Variants in CD5 observed in about 807,000 individuals in gnomAD.
CD5 encodes the protein T-cell surface glycoprotein CD5.
Under a neutral mutation model 60.3 loss-of-function variants are expected in CD5, and 36 were observed. The observed-to-expected ratio is 0.60, with a 90% confidence interval of 0.46 to 0.79. The LOEUF (loss-of-function observed/expected upper bound fraction) is 0.79, where lower values mean the gene tolerates loss of function less well. Among genes scored for constraint, CD5 ranks in the 30% least tolerant of loss-of-function variants. The pLI is 0.00. For synonymous variants in CD5, 230 were observed against 257.6 expected (o/e 0.89, Z 1.03); for missense variants, 540 against 630.6 (o/e 0.86, Z 1.54).
upstream of CD5, among the ~76,000 whole-genome samples, chr11:61,101,750 T>C (rs62636419): frequency 0.32 from 46,482 of 143,928 alleles, 8,755 homozygotes; most frequent in African/African-American, 0.55. Context: ...ACATGGAGAT[T>C]ACACACACAT....
At chr11:61,101,443 C>T (rs1200243611), upstream of CD5, among the ~76,000 whole-genome samples, 3 of 147,384 alleles carry the variant, frequency 2.0e-5, no homozygotes, top group African/African-American at 7.5e-5. Context: ...ATGGAGATCA[C>T]ATTCACACAC....
intron 7 of CD5, among the ~76,000 whole-genome samples, chr11:61,123,439 C>A (rs984869407): frequency 6.6e-6 from 1 of 152,096 alleles, no homozygotes; most frequent in African/African-American, 2.4e-5. Flanking sequence ...CCCTCAGTTT[C>A]TTCATCTACC....
In CD5 at chr11:61,123,903, C is replaced by T; in HGVS notation, c.1245C>T (p.Arg415=). The change falls in exon 8 of 11, where the codon CGC becomes CGT. Residue 415 remains arginine (R), a synonymous_variant. Transcript: ENST00000347785. ...GCCCAGTCCGCCAGAAGAAGCAGCG[C>T]CAGTGGATTGGCCCAACGGGAATGA... is the stretch of plus-strand genomic sequence containing the variant. ...LVKKFRQKKQ[R]QWIGPTGMNQ... The T allele has an allele frequency of 6.2e-7, 1 of 1,613,518 alleles. No individual in the cohort carries two copies. The highest frequency in any genetic ancestry group is 1.3e-5 in the African/African-American group (1 of 74,874).
intron 1 of CD5, among the ~76,000 whole-genome samples, chr11:61,106,417 G>A (rs1160579446): frequency 6.6e-6 from 1 of 152,110 alleles, no homozygotes; most frequent in Admixed American, 6.5e-5. Context: ...GAGAGGGTGG[G>A]GCTCCTACTG....
At chr11:61,106,380 G>T (rs1860779654) in intron 1 of CD5, among the ~76,000 whole-genome samples, 1 of 152,130 alleles carries the variant, frequency 6.6e-6, no homozygotes, top group African/African-American at 2.4e-5. Flanking sequence ...GGATGGCAGG[G>T]CAAAGGCAAG....
At chr11:61,094,300 C>T in the CD5 span, among the ~76,000 whole-genome samples, 54 of 152,188 alleles carry the variant, frequency 3.5e-4, no homozygotes, top group Middle Eastern at 3.4e-3. Context: ...ACTTGGAGTC[C>T]GGACAACTGA....
upstream of CD5, among the ~76,000 whole-genome samples, chr11:61,099,934 ATCAACATGGAGATCACACACACTCG>A (rs1860637924): frequency 1.3e-5 from 2 of 150,640 alleles, no homozygotes; most frequent in African/African-American, 4.9e-5. Flanking sequence ...TCACACACAC[ATCAACATGGAGATCACACACACTCG>A]TCAACATGGA....
At chr11:61,097,070 T>C in the CD5 span, among the ~76,000 whole-genome samples, 1 of 152,234 alleles carries the variant, frequency 6.6e-6, no homozygotes, top group Admixed American at 6.5e-5. Context: ...AACCCTCTCC[T>C]GAGCCAGTGT....
rs934179653 is a variant in CD5, at chr11:61,126,380, C to T, written c.*95C>T. 1 of 152,358 alleles carries T rather than the reference C, an allele frequency of 6.6e-6. No homozygotes were observed. The highest frequency in any genetic ancestry group is 1.5e-5 in the Non-Finnish European group (1 of 68,106). The allele number at this position is 152,358 out of a possible 1,614,324, so 9.4% of individuals were successfully genotyped here. ...ACTTGAAATCATGTCCCTATTTCTACCCCGGCCAGAACATGGACAGAGGCC... is the reference window on the plus strand; with the variant it reads ...ACTTGAAATCATGTCCCTATTTCTATCCCGGCCAGAACATGGACAGAGGCC... On this transcript the variant is annotated 3_prime_UTR_variant, in exon 11 of 11. Coordinates refer to ENST00000347785, the MANE Select transcript of CD5 (RefSeq NM_014207.4).
chr11:61,105,252 G>A (rs1424338206), intron 1 of CD5, among the ~76,000 whole-genome samples: 2 of 152,228 alleles, frequency 1.3e-5, no homozygotes, highest in Non-Finnish European at 2.9e-5. Context: ...CGGGGAAGCG[G>A]CTCTAACACA....
chr11:61,101,069 C>T (rs1206562480), upstream of CD5, among the ~76,000 whole-genome samples: 10 of 95,194 alleles, frequency 1.1e-4, 1 homozygote, highest in Admixed American at 6.5e-4. Context: ...ACATGGAGAT[C>T]ACATTCGCAC....
In CD5 at chr11:61,126,474, C is replaced by T. The variant is rs1029608262; in HGVS notation, c.*189C>T. ...GCTCACACTCTGCTGCACAACAGCT[C>T]GGCCGCCCCTCCACTTGTGGAAGCT... is the stretch of plus-strand genomic sequence containing the variant. On this transcript the variant is annotated 3_prime_UTR_variant, in exon 11 of 11. Coordinates refer to ENST00000347785, the MANE Select transcript of CD5 (RefSeq NM_014207.4). 6.6e-6 allele frequency: 1 copy of T among 152,248 alleles called. No individual in the cohort carries two copies. Among genetic ancestry groups the T allele is most frequent in the Non-Finnish European group, 1.5e-5 (1 of 68,054 alleles). 9.4% of individuals were successfully genotyped at this position (152,248 alleles called of 1,614,324 possible).
At chr11:61,112,469 C>T (rs1860870507) in intron 1 of CD5, among the ~76,000 whole-genome samples, 1 of 152,050 alleles carries the variant, frequency 6.6e-6, no homozygotes, top group African/African-American at 2.4e-5. Flanking sequence ...CATGGTGAAA[C>T]CTCATCTCTA....
chr11:61,105,391 C>G (rs1565182467), intron 1 of CD5, among the ~76,000 whole-genome samples: 1 of 152,232 alleles, frequency 6.6e-6, no homozygotes, highest in Non-Finnish European at 1.5e-5. Context: ...TGGACTAGTT[C>G]TGTAAGCCTC....
intron 8 of CD5, 63 bp downstream of exon 8, chr11:61,124,000 C>G: frequency 7.6e-7 from 1 of 1,312,390 alleles, no homozygotes; most frequent in Non-Finnish European, 1.1e-6. Context: ...GAGGCAGAGT[C>G]GAGGCTCTCT....
At position 61,118,117 on chromosome 11, in the gene CD5, G is replaced by A; in HGVS notation, c.95-58G>A. ...GGCGTCCTAGGGAGAGGGCAGTGAG[G>A]GGTGCCAGTGGGGAACCCCTCCCAG... On this transcript the variant is annotated intron_variant, in intron 2 of 10. Coordinates refer to ENST00000347785, the MANE Select transcript of CD5 (RefSeq NM_014207.4). This position sits in a 1 kb window ranked among gnomAD's most constrained non-coding sequence, Gnocchi z 4.7. 1 of 1,547,624 alleles carries A rather than the reference G, an allele frequency of 6.5e-7. No homozygotes were observed. The highest frequency in any genetic ancestry group is 8.8e-7 in the Non-Finnish European group (1 of 1,133,600).
intron 1 of CD5, among the ~76,000 whole-genome samples, chr11:61,114,333 C>A (rs1860904130): frequency 6.6e-6 from 1 of 152,126 alleles, no homozygotes; most frequent in Admixed American, 6.6e-5. Context: ...TGCTGTGGCT[C>A]ACACATGTGA....
chr11:61,122,801 T>C (rs1861086471), intron 6 of CD5, 106 bp from the exon 7 acceptor site: 1 of 1,248,350 alleles, frequency 8.0e-7, no homozygotes, highest in African/African-American at 1.5e-5. Flanking sequence ...GGTGAATTTC[T>C]CAGATGAGCA....
intron 2 of CD5, among the ~76,000 whole-genome samples, 192 bp from the exon 3 acceptor site, chr11:61,117,983 G>C (rs763236976): frequency 1.3e-5 from 2 of 152,144 alleles, no homozygotes; most frequent in African/African-American, 4.8e-5. Flanking sequence ...GTCTAGCTTC[G>C]GGGCTGCCTG....
Sources: allele counts gnomAD v4.1 joint callset (sites outside exome capture counted in the v4.1 genomes callset), GRCh38; gene constraint gnomAD v4.1.1; non-coding constraint Gnocchi (gnomAD v3.1); transcripts MANE v1.5; gene names NCBI Gene and HGNC (gene_info 2026-07-23, HGNC 2026-07-21).